DMD: variants seen among roughly 807,000 people sequenced by gnomAD.
DMD encodes dystrophin, also known as mutant dystrophin.
Under a neutral mutation model 330.1 loss-of-function variants are expected in DMD, and 63 were observed. The observed-to-expected ratio is 0.19, with a 90% confidence interval of 0.16 to 0.24. The LOEUF is 0.24. DMD is among the 10% of genes least tolerant of loss of function. The probability of loss-of-function intolerance (pLI) is 1.00; values close to 1 mark genes in which losing one functional copy is unlikely to be tolerated. For synonymous variants in DMD, 1,223 were observed against 959.8 expected (o/e 1.27, Z -5.07); for missense variants, 3,344 against 2,684.1 (o/e 1.25, Z -5.43).
At chrX:31,530,647 CTTTTT>C (rs1192286078) in intron 55 of DMD, among the ~76,000 whole-genome samples, 4 of 49,845 alleles carry the variant, frequency 8.0e-5, no homozygotes, top group African/African-American at 3.1e-4. Context: ...ACTGGTTTCT[CTTTTT>C]TTTTTTTTTT....
rs754977901 is a variant in DMD, at chrX:32,702,836, C to T, written c.650-3543G>A. On this transcript the variant is annotated intron_variant, in intron 7 of 78. Coordinates refer to ENST00000357033, the MANE Select transcript of DMD (RefSeq NM_004006.3). ...ATTTACTCCACAGTCTTTGGAAATG[C>T]CTATATACAAAGTTATGTGCTACAG... is the stretch of plus-strand genomic sequence containing the variant. Among the ~76,000 whole-genome samples the T allele has an allele frequency of 1.9e-3, 214 of 111,115 alleles. 2 individuals carry two copies. Among genetic ancestry groups the T allele is most frequent in the African/African-American group, 6.8e-3 (207 of 30,598 alleles).
chrX:32,599,869 C>T (rs7057742), intron 12 of DMD, among the ~76,000 whole-genome samples: 1,437 of 111,674 alleles, frequency 0.013, 21 homozygotes, highest in African/African-American at 0.045. Flanking sequence ...TTATTAGATA[C>T]AAATGTTACC....
intron 1 of DMD, among the ~76,000 whole-genome samples, chrX:33,327,298 T>C (rs1440658654): frequency 1.8e-5 from 2 of 111,798 alleles, no homozygotes; most frequent in Non-Finnish European, 3.8e-5. Flanking sequence ...GCAAGTTGTT[T>C]CTCAGGCATC....
chrX:32,878,952 G>T (rs367727002), intron 2 of DMD, among the ~76,000 whole-genome samples: 1 of 106,279 alleles, frequency 9.4e-6, no homozygotes, highest in African/African-American at 3.4e-5. Flanking sequence ...AGGTTGCATT[G>T]AGTTGAGACA....
intron 1 of DMD, among the ~76,000 whole-genome samples, chrX:33,125,667 A>C (rs975283495): frequency 1.8e-5 from 2 of 111,728 alleles, no homozygotes; most frequent in Admixed American, 9.6e-5. Flanking sequence ...AAGACGTTCT[A>C]ATTTTTTACG....
chrX:33,254,637 A>C (rs2052825290), intron 1 of DMD, among the ~76,000 whole-genome samples: 1 of 110,929 alleles, frequency 9.0e-6, no homozygotes, highest in African/African-American at 3.3e-5. Flanking sequence ...GAAATAAATC[A>C]GAGAAAAAAC....
intron 71 of DMD, among the ~76,000 whole-genome samples, chrX:31,174,044 T>C: frequency 8.9e-6 from 1 of 111,903 alleles, no homozygotes; most frequent in Middle Eastern, 4.6e-3. Flanking sequence ...CCTAGATACT[T>C]ACAATTATTT....
At chrX:32,593,496 A>G (rs1166903328) in intron 13 of DMD, among the ~76,000 whole-genome samples, 3 of 112,040 alleles carry the variant, frequency 2.7e-5, no homozygotes, top group African/African-American at 6.5e-5. Context: ...ACCATGGATG[A>G]CAAGGAATTA....
chrX:31,477,246 T>G (rs2067852871), intron 59 of DMD, among the ~76,000 whole-genome samples: 1 of 110,796 alleles, frequency 9.0e-6, no homozygotes, highest in South Asian at 3.9e-4. Flanking sequence ...ACAACAGTAT[T>G]TGAGGGGTGG....
At chrX:32,343,314 TA>T in intron 39 of DMD, 28 bp from the exon 40 acceptor site, 4 of 1,149,496 alleles carry the variant, frequency 3.5e-6, no homozygotes, top group Non-Finnish European at 4.8e-6. Flanking sequence ...ATTATTAAAA[TA>T]TCAATATATA....
rs201304078 is a variant in DMD at position 33,037,365 on chromosome X, G to GA, written c.32-17166dup. Among the ~76,000 whole-genome samples the GA allele has an allele frequency of 2.9e-3, 284 of 97,857 alleles. 1 individual carries two copies. Among genetic ancestry groups the GA allele is most frequent in the African/African-American group, 9.0e-3 (219 of 24,254 alleles). 85.0% of individuals were successfully genotyped at this position (97,857 alleles called of 115,157 possible). A position where few individuals can be genotyped will look rare whatever the true frequency, so the allele number is the denominator to read the frequency against. ...AGTCTCTTAACTTGAAACTATACAG[G>GA]AAAAAAAAAAAACCCTGATGTCATT... On this transcript the variant is annotated intron_variant, in intron 1 of 78. Coordinates refer to ENST00000357033, the MANE Select transcript of DMD (RefSeq NM_004006.3).
intron 2 of DMD, among the ~76,000 whole-genome samples, chrX:32,960,973 G>C (rs2091867940): frequency 2.9e-5 from 3 of 103,294 alleles, no homozygotes; most frequent in African/African-American, 1.0e-4. Context: ...TGATTACATT[G>C]AACGTATTTA....
chrX:32,763,896 A>T (rs971065899), intron 7 of DMD, among the ~76,000 whole-genome samples: 2 of 111,728 alleles, frequency 1.8e-5, no homozygotes, highest in African/African-American at 6.5e-5. Flanking sequence ...TTTGTTGATT[A>T]TCTGTTAAAA....
At position 32,085,207 on chromosome X, in the gene DMD, G is replaced by A. The variant is rs565728160; in HGVS notation, c.6439-116693C>T. ...ATTGCAGCATCCATGCTTATTTTAA[G>A]TGTAAGTTATATACACACACACAAA... On this transcript the variant is annotated intron_variant, in intron 44 of 78. Transcript: ENST00000357033. Among the ~76,000 whole-genome samples, 19 of 111,220 alleles carry A rather than the reference G, an allele frequency of 1.7e-4. No individual in the cohort carries two copies. The South Asian group carries it at 3.8e-3, about 22-fold the overall frequency.
chrX:31,422,848 C>CTT (rs375837061), intron 60 of DMD, among the ~76,000 whole-genome samples: 3 of 101,551 alleles, frequency 3.0e-5, no homozygotes, highest in Non-Finnish European at 4.0e-5. Flanking sequence ...AGTTATAAGA[C>CTT]TTTTTTTTTT....
At chrX:33,018,621 T>C (rs866255148) in intron 2 of DMD, among the ~76,000 whole-genome samples, 4 of 57,073 alleles carry the variant, frequency 7.0e-5, no homozygotes, top group Non-Finnish European at 2.0e-4. Flanking sequence ...TCTAGTTCAA[T>C]TCAAAGATTC....
rs572725697 is a variant in DMD, at chrX:31,592,619, G to A, written c.8217+35054C>T. ...TTCTAAATGCAATCACTTCGATTAC[G>A]TTTGCTGAAAGGATTACCCAAGGCT... On this transcript the variant is annotated intron_variant, in intron 55 of 78. Coordinates refer to ENST00000357033, the MANE Select transcript of DMD (RefSeq NM_004006.3). Among the ~76,000 whole-genome samples, 47 of 109,478 alleles carry A rather than the reference G, an allele frequency of 4.3e-4. No individual in the cohort carries two copies. The South Asian group carries it at 8.1e-3, about 19-fold the overall frequency.
At chrX:31,802,494 G>T (rs549317259) in intron 50 of DMD, among the ~76,000 whole-genome samples, 1 of 111,454 alleles carries the variant, frequency 9.0e-6, no homozygotes, top group South Asian at 3.8e-4. Flanking sequence ...TTGTACAGGG[G>T]TATGCAGGAT....
chrX:32,714,126 A>T (rs1410317768), intron 7 of DMD, among the ~76,000 whole-genome samples: 1 of 111,757 alleles, frequency 8.9e-6, no homozygotes, highest in African/African-American at 3.3e-5. Flanking sequence ...AAAAATCATT[A>T]GTCAAACCAT....
Sources: allele counts gnomAD v4.1 joint callset (sites outside exome capture counted in the v4.1 genomes callset), GRCh38; gene constraint gnomAD v4.1.1; transcripts MANE v1.5; gene names NCBI Gene and HGNC (gene_info 2026-07-23, HGNC 2026-07-21).